BTBD8: variants seen among roughly 807,000 people sequenced by gnomAD.
BTBD8 encodes the protein BTB/POZ domain-containing protein 8.
BTBD8 carries 110 observed loss-of-function variants against 162.9 expected under a neutral mutation model. The ratio of observed to expected loss-of-function variants is 0.68; its 90% CI spans 0.58 to 0.79. The LOEUF (loss-of-function observed/expected upper bound fraction) is 0.79, where lower values mean the gene tolerates loss of function less well. BTBD8 is among the 30% of genes least tolerant of loss of function. BTBD8 has a pLI of 0.00. For synonymous variants in BTBD8, 667 were observed against 716.1 expected, an observed-to-expected ratio of 0.93 and a Z score of 1.10; for missense variants, 1,905 against 2,085.4, an observed-to-expected ratio of 0.91 and a Z score of 1.68.
chr1:92,132,946 C>T (rs889583358), intron 5 of BTBD8, among the ~76,000 whole-genome samples: 3 of 152,110 alleles, frequency 2.0e-5, no homozygotes, highest in African/African-American at 7.2e-5. Context: ...TTATTATTAT[C>T]ACACAGTGCT....
Position 92,181,169 on chromosome 1 carries a change from A to G in BTBD8, c.3486A>G (p.Glu1162=), listed in dbSNP as rs1244730650. The G allele has an allele frequency of 1.3e-6, 2 of 1,551,708 alleles. No individual in the cohort carries two copies. The highest frequency in any genetic ancestry group is 1.7e-6 in the Non-Finnish European group (2 of 1,146,990). The change falls in exon 17 of 18, where the codon GAA becomes GAG. Residue 1162 remains glutamate (E), a synonymous_variant. Transcript: ENST00000636805. ...RTNGTLNSAQ[E]DKKSKVPVEG... ...ATGGTACCTTAAATTCTGCTCAAGA[A>G]GACAAAAAATCGAAAGTTCCTGTGG... is the stretch of plus-strand genomic sequence containing the variant.
intron 4 of BTBD8, among the ~76,000 whole-genome samples, chr1:92,111,103 C>T (rs552528731): frequency 1.1e-3 from 174 of 151,830 alleles, no homozygotes; most frequent in Non-Finnish European, 1.3e-3. Flanking sequence ...GGGATTCTCA[C>T]GTCTCACCCT....
At chr1:92,131,210 T>C (rs1649506962) in intron 5 of BTBD8, among the ~76,000 whole-genome samples, 1 of 152,198 alleles carries the variant, frequency 6.6e-6, no homozygotes, top group Non-Finnish European at 1.5e-5. Context: ...AAATTGGCTG[T>C]TCAATGGTCT....
chr1:92,140,147 C>T (rs1254692849), intron 6 of BTBD8, among the ~76,000 whole-genome samples: 1 of 149,118 alleles, frequency 6.7e-6, no homozygotes, highest in Non-Finnish European at 1.5e-5. Context: ...ATTTGCCAGG[C>T]GTGATGGCTC....
chr1:92,151,214 C>T (rs1650036157), intron 9 of BTBD8, among the ~76,000 whole-genome samples: 1 of 152,006 alleles, frequency 6.6e-6, no homozygotes, highest in African/African-American at 2.4e-5. Flanking sequence ...ATTAGCTGGG[C>T]CTGGTGGTGC....
intron 4 of BTBD8, chr1:92,125,518 C>T: frequency 3.2e-6 from 1 of 311,900 alleles, no homozygotes; most frequent in Non-Finnish European, 6.3e-6. Context: ...AGGAAGCAGG[C>T]ACTTGTACAG....
At chr1:92,144,254 G>A (rs1189137488) in intron 7 of BTBD8, among the ~76,000 whole-genome samples, 1 of 151,684 alleles carries the variant, frequency 6.6e-6, no homozygotes, top group African/African-American at 2.4e-5. Context: ...GATTACAGGA[G>A]TGAGCCACTG....
intron 9 of BTBD8, among the ~76,000 whole-genome samples, chr1:92,156,567 T>C (rs944856785): frequency 6.6e-6 from 1 of 152,166 alleles, no homozygotes; most frequent in Non-Finnish European, 1.5e-5. Flanking sequence ...AAGCTATCAG[T>C]CCTGGACTTT....
rs775621769 is a variant in BTBD8, at chr1:92,141,118, G to C, written c.837G>C (p.Gln279His). The C allele has an allele frequency of 1.3e-6, 2 of 1,547,644 alleles. No individual in the cohort carries two copies. The highest frequency in any genetic ancestry group is 1.2e-5 in the South Asian group (1 of 80,852). ...LDIPDKTNVG[Q>H]ILNMADMYGL... Reference sequence around the variant, plus strand: ...AGTGCATCTATTTTTATTTTAGTCAGATACTCAATATGGCTGATATGTATG... The same window carrying C: ...AGTGCATCTATTTTTATTTTAGTCACATACTCAATATGGCTGATATGTATG... The change falls in exon 7 of 18, where the codon CAG becomes CAC. Residue 279 changes from glutamine (Q) to histidine (H), a missense_variant. Physicochemically the swap from Gln to His is conservative, Grantham distance 24. Transcript: ENST00000636805.
rs1330461075 is a variant in BTBD8 at position 92,139,411 on chromosome 1, C to T, written c.814C>T (p.Pro272Ser). 7 of 1,602,630 alleles carry T rather than the reference C, an allele frequency of 4.4e-6. No homozygotes were observed. Among genetic ancestry groups the T allele is most frequent in the Non-Finnish European group, 5.9e-6 (7 of 1,176,896 alleles). Residue 272 changes from proline to serine, a missense_variant, in exon 6 of 18, where the codon CCA (proline) becomes TCA (serine). This residue lies in a region of BTBD8 where 1,374 missense variants were observed against 1,442.7 expected (regional missense o/e 0.95). Coordinates refer to ENST00000636805, the MANE Select transcript of BTBD8 (RefSeq NM_001376131.1). The stretch of plus-strand genomic sequence containing the variant: ...TATATATGGAGGAACTCTGGACATT[C>T]CAGACAAAACTAATGTTGGGTATGT... ...HFIYGGTLDI[P>S]DKTNVGQILN...
At chr1:92,104,411 G>A (rs369101880) in intron 3 of BTBD8, among the ~76,000 whole-genome samples, 13 of 152,164 alleles carry the variant, frequency 8.5e-5, no homozygotes, top group Non-Finnish European at 1.9e-4. Flanking sequence ...CCTAGGAAGT[G>A]TTACAGACTG....
chr1:92,085,839 A>G (rs1433409670), intron 1 of BTBD8, among the ~76,000 whole-genome samples: 1 of 152,168 alleles, frequency 6.6e-6, no homozygotes, highest in Non-Finnish European at 1.5e-5. Flanking sequence ...GATCAGACCC[A>G]ACACCAGGCC....
chr1:92,155,733 T>G (rs940634368), intron 9 of BTBD8, among the ~76,000 whole-genome samples: 1 of 152,246 alleles, frequency 6.6e-6, no homozygotes, highest in Non-Finnish European at 1.5e-5. Context: ...CTAATTTCCT[T>G]TTCAGTCATT....
At chr1:92,125,640 T>A (rs552094652) in intron 4 of BTBD8, 3 of 298,928 alleles carry the variant, frequency 1.0e-5, no homozygotes, top group East Asian at 1.8e-4. Context: ...CCACATCATA[T>A]GTTAGAAAGA....
At chr1:92,148,576 T>C (rs1019299725) in intron 9 of BTBD8, among the ~76,000 whole-genome samples, 25 of 152,230 alleles carry the variant, frequency 1.6e-4, no homozygotes, top group African/African-American at 6.0e-4. Context: ...TTTTGATTTA[T>C]GCTATTTCTC....
At chr1:92,172,349 A>C (rs894328926) in intron 13 of BTBD8, among the ~76,000 whole-genome samples, 1 of 152,358 alleles carries the variant, frequency 6.6e-6, no homozygotes, top group Non-Finnish European at 1.5e-5. Context: ...AACGAAGTGC[A>C]TGCAGCTAAC....
chr1:92,098,101 A>G (rs577064948), intron 2 of BTBD8, among the ~76,000 whole-genome samples: 1 of 152,302 alleles, frequency 6.6e-6, no homozygotes, highest in South Asian at 2.1e-4. Flanking sequence ...TCCCAGGAGG[A>G]AAGTCTGTGT....
intron 3 of BTBD8, among the ~76,000 whole-genome samples, chr1:92,106,406 A>C (rs1183104682): frequency 6.6e-6 from 1 of 152,034 alleles, no homozygotes; most frequent in Non-Finnish European, 1.5e-5. Context: ...CACGCCTGTA[A>C]TCCCAGCACT....
intron 4 of BTBD8, among the ~76,000 whole-genome samples, 177 bp from the exon 5 acceptor site, chr1:92,129,510 C>A (rs1216504013): frequency 1.3e-5 from 2 of 151,306 alleles, no homozygotes; most frequent in Non-Finnish European, 2.9e-5. Context: ...AAAAAAAAAA[C>A]CCTTAGGTAT....
Sources: gnomAD v4.1 joint callset for allele counts (sites outside exome capture counted in the v4.1 genomes callset) on GRCh38, gnomAD v4.1.1 for gene constraint, gnomAD v4.1.1 regional missense constraint, MANE v1.5 for transcripts, NCBI Gene and HGNC (gene_info 2026-07-23, HGNC 2026-07-21) for gene names.